Variants in ADD1 observed in about 807,000 individuals in gnomAD.
ADD1 encodes the protein adducin 1, also known as alpha-adducin.
In ADD1, 24 loss-of-function variants were observed where a neutral mutation model predicts 80.5. The ratio of observed to expected loss-of-function variants is 0.30; its 90% CI spans 0.22 to 0.42. ADD1 has a LOEUF of 0.42. Ranked by LOEUF, ADD1 falls within the 10% of genes least tolerant of loss-of-function variation. ADD1 has a pLI of 1.00. For missense variants in ADD1, 948 were observed against 1,019.0 expected (o/e 0.93, Z 0.95); for synonymous variants, 373 against 393.8 (o/e 0.95, Z 0.63).
chr4:2,893,942 A>C, intron 4 of ADD1, 71 bp from the exon 5 acceptor site: 2 of 1,419,464 alleles, frequency 1.4e-6, no homozygotes, highest in Non-Finnish European at 2.0e-6. Context: ...AAACCCGTGA[A>C]TTTGTAGCCT....
intron 13 of ADD1, among the ~76,000 whole-genome samples, chr4:2,914,130 C>T (rs980493080): frequency 1.3e-5 from 2 of 152,000 alleles, no homozygotes; most frequent in African/African-American, 2.4e-5. Context: ...AATCAGGCTG[C>T]ACTGTGGGCA....
At chr4:2,917,188 C>T (rs1290076609) in intron 14 of ADD1, among the ~76,000 whole-genome samples, 1 of 152,246 alleles carries the variant, frequency 6.6e-6, no homozygotes, top group Non-Finnish European at 1.5e-5. Flanking sequence ...ACATCCTCTC[C>T]AGCTTCTGTT....
chr4:2,912,970 G>A (rs1265305309), intron 13 of ADD1, among the ~76,000 whole-genome samples: 1 of 151,962 alleles, frequency 6.6e-6, no homozygotes, highest in African/African-American at 2.4e-5. Context: ...TCAGCTTCCC[G>A]AGTACCTGGG....
At position 2,894,721 on chromosome 4, in the gene ADD1, C is replaced by T. The variant is rs201212816; in HGVS notation, c.731C>T (p.Ala244Val). 474 of 1,600,770 alleles carry T rather than the reference C, an allele frequency of 3.0e-4. 2 individuals are homozygous for T. The highest frequency in any genetic ancestry group is 2.4e-4 in the South Asian group (21 of 88,130). The change falls in exon 6 of 16, where the codon GCA (alanine) becomes GTA (valine). Residue 244 changes from alanine (A) to valine (V), a missense_variant. By Grantham distance (64) the Ala-to-Val change is moderately conservative. Coordinates refer to ENST00000683351, the MANE Select transcript of ADD1 (RefSeq NM_001354761.2). Reference protein sequence around the residue: ...VKCVVHIHTPAGAAVSAMKCG... With the variant: ...VKCVVHIHTPVGAAVSAMKCG... ...TGCGTCGTGCACATTCACACCCCAG[C>T]AGGGGCTGCGGTGAGTGGCTGCCCT...
intron 4 of ADD1, among the ~76,000 whole-genome samples, chr4:2,889,564 G>A (rs961830195): frequency 2.6e-5 from 4 of 151,942 alleles, no homozygotes; most frequent in Non-Finnish European, 4.4e-5. Context: ...GCTTATGCCT[G>A]TAATCCCAGC....
chr4:2,866,907 C>T (rs1729638208), intron 1 of ADD1, among the ~76,000 whole-genome samples: 3 of 152,064 alleles, frequency 2.0e-5, no homozygotes, highest in Non-Finnish European at 2.9e-5. Flanking sequence ...CCCATCTCTA[C>T]AAAAAATATA....
At chr4:2,906,310 C>G (rs1360233880) in intron 10 of ADD1, among the ~76,000 whole-genome samples, 1 of 151,988 alleles carries the variant, frequency 6.6e-6, no homozygotes, top group African/African-American at 2.4e-5. Context: ...GTCTTCTTTC[C>G]CCCCTTCTTC....
At chr4:2,873,193 A>T (rs577469970) in intron 1 of ADD1, among the ~76,000 whole-genome samples, 3 of 152,066 alleles carry the variant, frequency 2.0e-5, no homozygotes, top group Non-Finnish European at 4.4e-5. Flanking sequence ...GGGTGTCACC[A>T]TGTTGCCCAG....
chr4:2,918,532 C>G (rs1463940801), intron 14 of ADD1, among the ~76,000 whole-genome samples: 1 of 152,076 alleles, frequency 6.6e-6, no homozygotes, highest in Non-Finnish European at 1.5e-5. Context: ...TTGCCGTGGC[C>G]AGAACTTCTA....
intron 9 of ADD1, 34 bp from the exon 10 acceptor site, chr4:2,904,730 A>G (rs374060610): frequency 1.3e-6 from 2 of 1,573,928 alleles, no homozygotes; most frequent in Non-Finnish European, 1.7e-6. Context: ...GAGATCTGGA[A>G]TATTGACTGT....
chr4:2,875,987 C>T lies in ADD1; in HGVS notation c.72C>T (p.Tyr24=). The part of the protein sequence containing the change: ...PPTTAPHKER[Y]FDRVDENNPE... ...CCACAGCCCCTCACAAGGAGAGGTA[C>T]TTCGACCGAGTAGATGAGAACAACC... The change falls in exon 2 of 16, where the codon TAC becomes TAT. Residue 24 remains tyrosine, a synonymous_variant. Coordinates refer to ENST00000683351, the MANE Select transcript of ADD1 (RefSeq NM_001354761.2). 1 of 1,614,076 alleles carries T rather than the reference C, an allele frequency of 6.2e-7. No homozygotes were observed. The highest frequency in any genetic ancestry group is 8.5e-7 in the Non-Finnish European group (1 of 1,179,958).
intron 1 of ADD1, among the ~76,000 whole-genome samples, chr4:2,860,060 G>T (rs1728634052): frequency 6.6e-6 from 1 of 151,720 alleles, no homozygotes; most frequent in Non-Finnish European, 1.5e-5. Context: ...TGATGTGTCT[G>T]GTCAACCTGT....
intron 4 of ADD1, among the ~76,000 whole-genome samples, chr4:2,893,618 A>C (rs183209815): frequency 2.0e-4 from 31 of 152,282 alleles, no homozygotes; most frequent in Admixed American, 5.9e-4. Flanking sequence ...GTCTCAAAAA[A>C]AAAAAAAGAA....
At chr4:2,845,050 G>A (rs972447462) in intron 1 of ADD1, among the ~76,000 whole-genome samples, 2 of 151,724 alleles carry the variant, frequency 1.3e-5, no homozygotes, top group Non-Finnish European at 2.9e-5. Context: ...AAACTTTGGA[G>A]CCTTGAATGG....
At chr4:2,860,061 G>C (rs1418332694) in intron 1 of ADD1, among the ~76,000 whole-genome samples, 3 of 151,828 alleles carry the variant, frequency 2.0e-5, no homozygotes, top group African/African-American at 7.3e-5. Context: ...GATGTGTCTG[G>C]TCAACCTGTG....
intron 14 of ADD1, 80 bp from the exon 15 acceptor site, chr4:2,925,934 C>A: frequency 7.9e-7 from 1 of 1,267,886 alleles, no homozygotes; most frequent in Non-Finnish European, 1.1e-6. Context: ...GAGCGGGCTG[C>A]CCCATCTGCC....
intron 1 of ADD1, among the ~76,000 whole-genome samples, chr4:2,847,148 G>A (rs922933449): frequency 4.0e-5 from 6 of 151,780 alleles, no homozygotes; most frequent in African/African-American, 1.5e-4. Context: ...CAAAAAACAA[G>A]CTAGGTGCGG....
Position 2,884,528 on chromosome 4 carries a change from G to T in ADD1, c.372G>T (p.Val124=), listed in dbSNP as rs1328794374. Residue 124 remains valine, a synonymous_variant, in exon 4 of 16, where the codon GTG becomes GTT. Transcript: ENST00000683351. Reference sequence around the variant, plus strand: ...TCTTTATTTCAGGTCTTGGTATGGTGACTCCTGTGAACGATCTTAGAGGAT... The same window carrying T: ...TCTTTATTTCAGGTCTTGGTATGGTTACTCCTGTGAACGATCTTAGAGGAT... The part of the protein sequence containing the change: ...MAALNMSLGM[V]TPVNDLRGSD... 1 of 1,604,400 alleles carries T rather than the reference G, an allele frequency of 6.2e-7. No individual in the cohort carries two copies.
Position 2,884,300 on chromosome 4 carries a change from A to G in ADD1, c.359-215A>G, listed in dbSNP as rs1479621114. Among the ~76,000 whole-genome samples the G allele has an allele frequency of 3.9e-5, 6 of 152,210 alleles. No individual in the cohort carries two copies. In the East Asian group the frequency reaches 9.6e-4, roughly 24 times the overall value. On this transcript the variant is annotated intron_variant, in intron 3 of 15. Transcript: ENST00000683351. Reference sequence around the variant, plus strand: ...TGTGGAAGATAAATATCTCAGAACCATTAGTATTTGATTTACATTTGATAA... The same window carrying G: ...TGTGGAAGATAAATATCTCAGAACCGTTAGTATTTGATTTACATTTGATAA...
Sources: gnomAD v4.1 joint callset for allele counts (sites outside exome capture counted in the v4.1 genomes callset) on GRCh38, gnomAD v4.1.1 for gene constraint, MANE v1.5 for transcripts, NCBI Gene and HGNC (gene_info 2026-07-23, HGNC 2026-07-21) for gene names.